The following ADARB1 variants were observed in gnomAD, a reference collection of about 807,000 sequenced individuals.
The protein encoded by ADARB1 is double-stranded RNA-specific editase 1.
In ADARB1, 10 loss-of-function variants were observed where a neutral mutation model predicts 52.4. That is an observed-to-expected ratio of 0.19 (90% CI 0.12 to 0.32). ADARB1 has a LOEUF of 0.32. Among genes scored for constraint, ADARB1 ranks in the 10% least tolerant of loss-of-function variants. The pLI, the probability that ADARB1 is intolerant of heterozygous loss-of-function variation, is 1.00. For synonymous variants in ADARB1, 349 were observed against 371.1 expected (o/e 0.94, Z 0.68); for missense variants, 643 against 922.3 (o/e 0.70, Z 3.92).
At chr21:45,168,327 TC>T (rs1438091238) in intron 2 of ADARB1, among the ~76,000 whole-genome samples, 1 of 152,220 alleles carries the variant, frequency 6.6e-6, no homozygotes, top group East Asian at 1.9e-4. Context: ...GTTTTTAACT[TC>T]CAGTTTATCA....
intron 2 of ADARB1, among the ~76,000 whole-genome samples, chr21:45,156,346 T>TCCAG: frequency 7.5e-6 from 1 of 133,052 alleles, no homozygotes; most frequent in East Asian, 2.4e-4. Context: ...CCATCATCCA[T>TCCAG]CTATCCATCC....
At chr21:45,143,207 A>G (rs185186366) in intron 2 of ADARB1, among the ~76,000 whole-genome samples, 38 of 152,156 alleles carry the variant, frequency 2.5e-4, no homozygotes, top group Admixed American at 2.4e-3. Flanking sequence ...TCACTCAGGA[A>G]TTGCACCCAG....
Position 45,225,105 on chromosome 21 carries a change from T to G in ADARB1, c.*2908T>G, listed in dbSNP as rs1375570321. ...TTTGTTTTGTTTTGTTAACTAAACC[T>G]GAAGTATTAATTCCACAAAGACACT... On this transcript the variant is annotated 3_prime_UTR_variant, in exon 11 of 11. Coordinates refer to ENST00000348831, the MANE Select transcript of ADARB1 (RefSeq NM_001112.4). 1 of 994,414 alleles carries G rather than the reference T, an allele frequency of 1.0e-6. No individual in the cohort carries two copies. The highest frequency in any genetic ancestry group is 1.2e-6 in the Non-Finnish European group (1 of 836,516). 61.6% of individuals were successfully genotyped at this position (994,414 alleles called of 1,614,324 possible).
At chr21:45,144,312 C>T (rs1044738394) in intron 2 of ADARB1, among the ~76,000 whole-genome samples, 1 of 152,112 alleles carries the variant, frequency 6.6e-6, no homozygotes. Context: ...GAACTTTACT[C>T]TGAGGGCATA....
intron 8 of ADARB1, among the ~76,000 whole-genome samples, chr21:45,193,124 A>G (rs6518218): frequency 0.17 from 25,428 of 152,156 alleles, 3,155 homozygotes; most frequent in African/African-American, 0.35. Flanking sequence ...AAACCAGATG[A>G]AGACACCACA....
chr21:45,184,448 A>ATT (rs35076710), intron 7 of ADARB1: 36 of 141,962 alleles, frequency 2.5e-4, no homozygotes, highest in South Asian at 1.2e-3. Context: ...ATTTCATATA[A>ATT]TTTTTTTTTT....
intron 2 of ADARB1, chr21:45,145,219 G>C (rs2089947304): frequency 6.6e-6 from 1 of 152,368 alleles, no homozygotes; most frequent in Non-Finnish European, 1.5e-5. Flanking sequence ...CTCTGCCACT[G>C]AAAGGAGATT....
Position 45,183,500 on chromosome 21 carries a change from A to G in ADARB1, c.1386A>G (p.Pro462=). 1 of 1,612,038 alleles carries G rather than the reference A, an allele frequency of 6.2e-7. No individual in the cohort carries two copies. Among genetic ancestry groups the G allele is most frequent in the African/African-American group, 1.3e-5 (1 of 74,948 alleles). Residue 462 remains proline (P), a synonymous_variant, in exon 7 of 11, where the codon CCA becomes CCG. Transcript: ENST00000348831. Reference sequence around the variant, plus strand: ...CCAGAATCTTCTCACCACATGAGCCAATCCTGGAAGGTATGAGACGAGATT... The same window carrying G: ...CCAGAATCTTCTCACCACATGAGCCGATCCTGGAAGGTATGAGACGAGATT... ...GDARIFSPHE[P]ILEEPADRHP...
At chr21:45,122,154 G>T (rs1004580875) in intron 1 of ADARB1, among the ~76,000 whole-genome samples, 1 of 152,150 alleles carries the variant, frequency 6.6e-6, no homozygotes, top group East Asian at 1.9e-4. Context: ...AACTGCACAC[G>T]CGTGCATAGT....
At chr21:45,199,193 C>T (rs1176381010) in intron 8 of ADARB1, among the ~76,000 whole-genome samples, 2 of 152,164 alleles carry the variant, frequency 1.3e-5, no homozygotes, top group African/African-American at 4.8e-5. Context: ...TGGTCTGGAG[C>T]CTGATCCCTC....
At chr21:45,117,371 C>T (rs1293110568) in intron 1 of ADARB1, among the ~76,000 whole-genome samples, 1 of 152,022 alleles carries the variant, frequency 6.6e-6, no homozygotes, top group Non-Finnish European at 1.5e-5. Context: ...GGGTACGTAC[C>T]CACTAGTTTG....
chr21:45,224,940 T>TC lies in ADARB1; in HGVS notation c.*2745dup, dbSNP rs148516559. The TC allele has an allele frequency of 0.053, 52,624 of 985,444 alleles. 2,165 individuals are homozygous for TC. The highest frequency in any genetic ancestry group is 0.21 in the African/African-American group (11,975 of 57,212). 61.0% of individuals were successfully genotyped at this position (985,444 alleles called of 1,614,324 possible). On this transcript the variant is annotated 3_prime_UTR_variant, in exon 11 of 11. Coordinates refer to ENST00000348831, the MANE Select transcript of ADARB1 (RefSeq NM_001112.4). Reference sequence around the variant, plus strand: ...TAGCTGTTTCATTGACGTGTCACTCTCCATCCAGTGTCCTTGATGTGGCTT... The same window carrying TC: ...TAGCTGTTTCATTGACGTGTCACTCTCCCATCCAGTGTCCTTGATGTGGCTT...
At chr21:45,149,244 C>T (rs1430521826) in intron 2 of ADARB1, among the ~76,000 whole-genome samples, 1 of 152,232 alleles carries the variant, frequency 6.6e-6, no homozygotes, top group Admixed American at 6.5e-5. Context: ...GAAGCTCATC[C>T]TGACACCAGC....
At chr21:45,091,658 G>T (rs889061420) in intron 1 of ADARB1, among the ~76,000 whole-genome samples, 1 of 152,156 alleles carries the variant, frequency 6.6e-6, no homozygotes, top group African/African-American at 2.4e-5. Context: ...GCTCCCAGGG[G>T]CAGGATCCTG....
chr21:45,221,901 T>C lies in ADARB1; in HGVS notation c.1927-117T>C. 8.8e-7 allele frequency: 1 copy of C among 1,136,760 alleles called. No individual in the cohort carries two copies. The allele number at this position is 1,136,760 out of a possible 1,614,324, so 70.4% of individuals were successfully genotyped here. ...TTGGCAGAAGGCGCCTTCCTCTGGG[T>C]TGCTTTCCCCCCAGAAGCCAATGCA... On this transcript the variant is annotated intron_variant, in intron 10 of 10. Coordinates refer to ENST00000348831, the MANE Select transcript of ADARB1 (RefSeq NM_001112.4). This position sits in a 1 kb window ranked among gnomAD's most constrained non-coding sequence, Gnocchi z 4.9.
At chr21:45,199,974 A>G (rs1204560635) in intron 8 of ADARB1, among the ~76,000 whole-genome samples, 1 of 152,230 alleles carries the variant, frequency 6.6e-6, no homozygotes, top group African/African-American at 2.4e-5. Context: ...CAAGGAAGAA[A>G]CAAACACAAG....
chr21:45,193,791 T>C (rs1569149696), intron 8 of ADARB1, among the ~76,000 whole-genome samples: 1 of 152,236 alleles, frequency 6.6e-6, no homozygotes, highest in East Asian at 1.9e-4. Context: ...CTGAAAGCTG[T>C]ATATTGAAAA....
intron 3 of ADARB1, among the ~76,000 whole-genome samples, chr21:45,175,466 G>T (rs1304215024): frequency 1.3e-5 from 2 of 152,222 alleles, no homozygotes; most frequent in East Asian, 3.9e-4. Context: ...ATTATTTAAA[G>T]ATTTTACTTT....
At chr21:45,156,638 C>T in intron 2 of ADARB1, among the ~76,000 whole-genome samples, 1 of 151,904 alleles carries the variant, frequency 6.6e-6, no homozygotes, top group Non-Finnish European at 1.5e-5. Flanking sequence ...ACCCATCAGC[C>T]ATCATCTGTC....
Sources: allele counts gnomAD v4.1 joint callset (sites outside exome capture counted in the v4.1 genomes callset), GRCh38; gene constraint gnomAD v4.1.1; non-coding constraint Gnocchi (gnomAD v3.1); transcripts MANE v1.5; gene names NCBI Gene and HGNC (gene_info 2026-07-23, HGNC 2026-07-21).